Variants in UBE2E1 observed in about 807,000 individuals in gnomAD.
UBE2E1 encodes ubiquitin-conjugating enzyme E2 E1.
A neutral mutation model predicts 21.4 loss-of-function variants in UBE2E1; 6 were observed. The ratio of observed to expected loss-of-function variants is 0.28; its 90% CI spans 0.15 to 0.55. The LOEUF (loss-of-function observed/expected upper bound fraction) is 0.55. Among genes scored for constraint, UBE2E1 ranks in the 20% least tolerant of loss-of-function variants. The pLI is 0.93. For missense variants in UBE2E1, 142 were observed against 236.5 expected (o/e 0.60, Z 2.62); for synonymous variants, 87 against 82.7 (o/e 1.05, Z -0.28).
intron 3 of UBE2E1, among the ~76,000 whole-genome samples, chr3:23,837,441 A>T (rs1047421450): frequency 2.0e-5 from 3 of 152,164 alleles, no homozygotes; most frequent in Non-Finnish European, 4.4e-5. Context: ...TCTCAAAAAG[A>T]TAGTAATGTG....
chr3:23,813,199 G>A lies in UBE2E1; in HGVS notation c.203+1689G>A, dbSNP rs74971534. ...GTGGCTGTTGGGTGATTGGTGTTAC[G>A]GAGTCAAAGCTCAAAATACTAAATT... is the stretch of plus-strand genomic sequence containing the variant. On this transcript the variant is annotated intron_variant, in intron 3 of 5. Coordinates refer to ENST00000306627, the MANE Select transcript of UBE2E1 (RefSeq NM_003341.5). Among the ~76,000 whole-genome samples, 641 of 152,188 alleles carry A rather than the reference G, an allele frequency of 4.2e-3. 2 individuals are homozygous for A. The highest frequency in any genetic ancestry group is 6.1e-3 in the Non-Finnish European group (413 of 68,004).
chr3:23,890,297 A>G (rs1701360128), intron 5 of UBE2E1, among the ~76,000 whole-genome samples: 1 of 152,216 alleles, frequency 6.6e-6, no homozygotes, highest in African/African-American at 2.4e-5. Flanking sequence ...AAGACAGACC[A>G]GTACACTAAA....
At chr3:23,866,946 T>C (rs1464107253) in intron 3 of UBE2E1, among the ~76,000 whole-genome samples, 1 of 152,186 alleles carries the variant, frequency 6.6e-6, no homozygotes, top group Non-Finnish European at 1.5e-5. Flanking sequence ...TATTTTAAGC[T>C]TCATGGGTGT....
At chr3:23,886,782 A>G (rs888405219) in intron 3 of UBE2E1, among the ~76,000 whole-genome samples, 12 of 152,266 alleles carry the variant, frequency 7.9e-5, no homozygotes, top group African/African-American at 1.2e-4. Context: ...GGCATTCAGT[A>G]AGTGAGTGAA....
intron 3 of UBE2E1, among the ~76,000 whole-genome samples, chr3:23,819,589 A>G (rs1209324804): frequency 6.6e-6 from 1 of 152,202 alleles, no homozygotes; most frequent in East Asian, 1.9e-4. Flanking sequence ...TTATATCCCT[A>G]CAGTGTCCGA....
intron 3 of UBE2E1, among the ~76,000 whole-genome samples, chr3:23,815,840 A>G (rs1469584115): frequency 8.5e-5 from 13 of 152,262 alleles, no homozygotes; most frequent in Non-Finnish European, 1.5e-5. Flanking sequence ...CGTTAAGGAT[A>G]GAAGTGTGAC....
intron 3 of UBE2E1, among the ~76,000 whole-genome samples, chr3:23,884,918 G>A (rs781250789): frequency 6.6e-6 from 1 of 152,232 alleles, no homozygotes; most frequent in Non-Finnish European, 1.5e-5. Flanking sequence ...CTGTATTAGT[G>A]TTATTTTCAT....
intron 3 of UBE2E1, among the ~76,000 whole-genome samples, chr3:23,829,484 G>T (rs946544366): frequency 3.3e-5 from 5 of 151,968 alleles, no homozygotes; most frequent in Non-Finnish European, 7.4e-5. Context: ...AATTTTTTTG[G>T]AGAGGTGGGG....
chr3:23,830,440 T>A (rs1047601691), intron 3 of UBE2E1, among the ~76,000 whole-genome samples: 5 of 152,132 alleles, frequency 3.3e-5, no homozygotes, highest in African/African-American at 1.2e-4. Flanking sequence ...TTTTTGTTTG[T>A]TTTTGGCAAG....
chr3:23,826,410 A>C (rs906744828), intron 3 of UBE2E1, among the ~76,000 whole-genome samples: 1 of 152,220 alleles, frequency 6.6e-6, no homozygotes, highest in Non-Finnish European at 1.5e-5. Flanking sequence ...CTGGCTGTTC[A>C]CCTGAAGTGA....
intron 3 of UBE2E1, among the ~76,000 whole-genome samples, chr3:23,858,444 C>T (rs1173005757): frequency 6.6e-6 from 1 of 152,018 alleles, no homozygotes; most frequent in Non-Finnish European, 1.5e-5. Context: ...CTCAGCCTCC[C>T]GAGTAGCTGG....
chr3:23,847,814 A>G (rs1290845888), intron 3 of UBE2E1, among the ~76,000 whole-genome samples: 4 of 152,194 alleles, frequency 2.6e-5, no homozygotes, highest in Non-Finnish European at 4.4e-5. Context: ...TTATTTGGAA[A>G]TAATGCACGT....
At chr3:23,831,156 A>G (rs1575814935) in intron 3 of UBE2E1, among the ~76,000 whole-genome samples, 1 of 152,212 alleles carries the variant, frequency 6.6e-6, no homozygotes, top group East Asian at 1.9e-4. Flanking sequence ...TAAAAAGATA[A>G]TATTATAGGG....
At chr3:23,868,625 T>C (rs1700708311) in intron 3 of UBE2E1, among the ~76,000 whole-genome samples, 3 of 152,144 alleles carry the variant, frequency 2.0e-5, no homozygotes. Context: ...TTTCTCTTAT[T>C]ACTTTACTTT....
At chr3:23,827,733 C>G (rs1189195354) in intron 3 of UBE2E1, among the ~76,000 whole-genome samples, 1 of 152,182 alleles carries the variant, frequency 6.6e-6, no homozygotes. Context: ...AACATAGCCA[C>G]TAATATTTTT....
intron 3 of UBE2E1, among the ~76,000 whole-genome samples, chr3:23,813,025 G>A (rs1699436112): frequency 6.6e-6 from 1 of 151,626 alleles, no homozygotes; most frequent in South Asian, 2.1e-4. Flanking sequence ...GTACACTTCA[G>A]TTTCACATCG....
chr3:23,845,356 A>G (rs1265202703), intron 3 of UBE2E1, among the ~76,000 whole-genome samples: 5 of 152,308 alleles, frequency 3.3e-5, no homozygotes, highest in Admixed American at 6.5e-5. Context: ...CTCTTGATAG[A>G]AGGAAGAAAG....
In UBE2E1 at chr3:23,807,308, C is replaced by T; in HGVS notation, c.39C>T (p.Ser13=). Residue 13 remains serine, a synonymous_variant, in exon 2 of 6, where the codon TCC becomes TCT. Transcript: ENST00000306627. ...ATTCGAGGGCCAGCACCAGCTCCTC[C>T]TCATCTTCGTCTTCCAACCAGCAAA... ...DDDSRASTSS[S]SSSSSNQQTE... is the part of the protein sequence containing the mutation. 6.2e-7 allele frequency: 1 copy of T among 1,614,010 alleles called. No individual in the cohort carries two copies. Among genetic ancestry groups the T allele is most frequent in the Non-Finnish European group, 8.5e-7 (1 of 1,179,978 alleles).
chr3:23,836,728 G>C lies in UBE2E1; in HGVS notation c.203+25218G>C, dbSNP rs188525374. ...GGTTGGGATAGAACATGGGTCTTCT[G>C]ATTCTTAACCATTGTACACTCTCTA... On this transcript the variant is annotated intron_variant, in intron 3 of 5. Transcript: ENST00000306627. This position sits in a 1 kb window ranked among gnomAD's most constrained non-coding sequence, Gnocchi z 4.1. Among the ~76,000 whole-genome samples the C allele has an allele frequency of 3.8e-4, 58 of 152,306 alleles. No homozygotes were observed. The highest frequency in any genetic ancestry group is 1.3e-3 in the African/African-American group (56 of 41,552).
Sources: allele counts gnomAD v4.1 joint callset (sites outside exome capture counted in the v4.1 genomes callset), GRCh38; gene constraint gnomAD v4.1.1; non-coding constraint Gnocchi (gnomAD v3.1); transcripts MANE v1.5; gene names NCBI Gene and HGNC (gene_info 2026-07-23, HGNC 2026-07-21).